MACF1: variants seen among roughly 807,000 people sequenced by gnomAD.
The protein encoded by MACF1 is microtubule-actin cross-linking factor 1.
In MACF1, 193 loss-of-function variants were observed where a neutral mutation model predicts 854.8. The ratio of observed to expected loss-of-function variants is 0.23; its 90% confidence interval spans 0.20 to 0.25. The LOEUF is 0.25. MACF1 is among the 10% of genes least tolerant of loss of function. The probability of loss-of-function intolerance (pLI) is 1.00; values close to 1 mark genes in which losing one functional copy is unlikely to be tolerated. For synonymous variants in MACF1, 3,185 were observed against 3,226.7 expected (o/e 0.99, Z 0.44); for missense variants, 7,722 against 8,929.1 (o/e 0.86, Z 5.45).
Position 39,437,846 on chromosome 1 carries a change from C to T in MACF1, c.18058C>T (p.Leu6020=). ...NLSSRLRMPP[L]IPAEVDKIRE... ...TTCCTCTCGCCTGCGTATGCCACCA[C>T]TGATCCCTGCTGAAGTAGACAAGAT... Residue 6020 remains leucine (L), a synonymous_variant, in exon 71 of 101, where the codon CTG becomes TTG. Transcript: ENST00000564288. 1.2e-6 allele frequency: 2 copies of T among 1,614,140 alleles called. No individual in the cohort carries two copies. The highest frequency in any genetic ancestry group is 8.5e-7 in the Non-Finnish European group (1 of 1,180,006).
intron 44 of MACF1, among the ~76,000 whole-genome samples, chr1:39,355,460 CTTTTTTTT>C (rs56202498): frequency 4.9e-5 from 4 of 81,054 alleles, no homozygotes; most frequent in Non-Finnish European, 8.9e-5. Flanking sequence ...TTTTCTTCTG[CTTTTTTTT>C]TTTTTTTTTT....
chr1:39,304,523 G>T, intron 23 of MACF1: 1 of 1,294,912 alleles, frequency 7.7e-7, no homozygotes, highest in Non-Finnish European at 1.1e-6. Context: ...GCCTCCTTTG[G>T]TTACAGTTTC....
chr1:39,306,059 G>A (rs533145182), intron 23 of MACF1, among the ~76,000 whole-genome samples: 5 of 152,052 alleles, frequency 3.3e-5, no homozygotes, highest in Admixed American at 3.3e-4. Context: ...ACCATTCCTA[G>A]CACATAGCAG....
intron 97 of MACF1, among the ~76,000 whole-genome samples, chr1:39,476,494 C>G (rs1644885687): frequency 1.3e-5 from 2 of 151,866 alleles, no homozygotes; most frequent in Non-Finnish European, 2.9e-5. Flanking sequence ...TCACTTGAAC[C>G]CAGGAGGCGG....
intron 90 of MACF1, chr1:39,458,768 A>G (rs1378852263): frequency 7.9e-6 from 4 of 507,040 alleles, no homozygotes; most frequent in African/African-American, 3.8e-5. Flanking sequence ...AGCTGTTTAC[A>G]TTTGGCTTGT....
chr1:39,154,744 C>G (rs887265506), intron 2 of MACF1, among the ~76,000 whole-genome samples: 1 of 151,906 alleles, frequency 6.6e-6, no homozygotes, highest in Non-Finnish European at 1.5e-5. Flanking sequence ...AACAGCCATC[C>G]TGTCACTGTA....
At chr1:39,279,720 A>G (rs999934975) in intron 6 of MACF1, among the ~76,000 whole-genome samples, 25 of 152,254 alleles carry the variant, frequency 1.6e-4, no homozygotes, top group Admixed American at 1.4e-3. Flanking sequence ...ATCCTTTGAG[A>G]AAGTTATTAT....
At chr1:39,302,893 T>C in intron 22 of MACF1, 31 bp from the exon 23 acceptor site, 1 of 1,598,582 alleles carries the variant, frequency 6.3e-7, no homozygotes. Flanking sequence ...GGTTTATCCA[T>C]TAGCAATCAC....
At chr1:39,321,791 A>T (rs555581093) in intron 31 of MACF1, among the ~76,000 whole-genome samples, 3 of 152,344 alleles carry the variant, frequency 2.0e-5, no homozygotes, top group Admixed American at 1.3e-4. Flanking sequence ...TTAATAAATT[A>T]TATGGGGATA....
intron 41 of MACF1, among the ~76,000 whole-genome samples, chr1:39,347,603 C>G (rs1270037588): frequency 6.6e-6 from 1 of 152,148 alleles, no homozygotes; most frequent in Non-Finnish European, 1.5e-5. Context: ...ATACCCTGAG[C>G]TCTTGAGGAG....
At chr1:39,124,297 A>G (rs543719482) in intron 2 of MACF1, among the ~76,000 whole-genome samples, 1 of 152,202 alleles carries the variant, frequency 6.6e-6, no homozygotes, top group Admixed American at 6.5e-5. Flanking sequence ...CTGGGATTGA[A>G]ACCTGGTTTG....
In MACF1 at chr1:39,156,512, G is replaced by C. The variant is rs377244727; in HGVS notation, c.220+72074G>C. ...TGTGTGCCTGTAGTCCCAGCTACTT[G>C]GGGGGCTGAGGTGGGAGTATCGCTT... On this transcript the variant is annotated intron_variant, in intron 2 of 93. Coordinates refer to the MACF1 transcript ENST00000361689. Among the ~76,000 whole-genome samples the C allele has an allele frequency of 2.3e-3, 351 of 152,258 alleles. 3 individuals carry two copies. Among genetic ancestry groups the C allele is most frequent in the African/African-American group, 8.0e-3 (333 of 41,570 alleles).
At chr1:39,101,084 C>T (rs148319652) in intron 2 of MACF1, among the ~76,000 whole-genome samples, 4,051 of 150,986 alleles carry the variant, frequency 0.027, 158 homozygotes, top group African/African-American at 0.086. Context: ...TGGCCAGGTG[C>T]GGTGGCTCAC....
intron 2 of MACF1, among the ~76,000 whole-genome samples, chr1:39,138,142 T>C (rs1482318486): frequency 6.6e-6 from 1 of 151,174 alleles, no homozygotes; most frequent in African/African-American, 2.4e-5. Flanking sequence ...AACAAATTTG[T>C]GCTACTCTGG....
At chr1:39,474,482 G>A (rs1040184419) in intron 97 of MACF1, among the ~76,000 whole-genome samples, 13 of 152,122 alleles carry the variant, frequency 8.5e-5, no homozygotes, top group Admixed American at 2.0e-4. Context: ...GATCACCCGA[G>A]GTCAGGAGTT....
intron 2 of MACF1, among the ~76,000 whole-genome samples, chr1:39,242,517 G>A (rs967703628): frequency 6.6e-6 from 1 of 152,084 alleles, no homozygotes; most frequent in African/African-American, 2.4e-5. Context: ...CTTCAGGAGG[G>A]TGAGGCTGGT....
At chr1:39,187,749 C>T (rs1044242382) in intron 2 of MACF1, among the ~76,000 whole-genome samples, 1 of 152,050 alleles carries the variant, frequency 6.6e-6, no homozygotes, top group African/African-American at 2.4e-5. Context: ...TGAGATCTCG[C>T]TATGTTGCCC....
intron 2 of MACF1, among the ~76,000 whole-genome samples, chr1:39,087,767 A>G (rs1641710002): frequency 1.3e-5 from 2 of 152,070 alleles, no homozygotes; most frequent in African/African-American, 4.8e-5. Flanking sequence ...AACTCCAAGT[A>G]CATTGCTATT....
chr1:39,339,538 A>G (rs1384488418), intron 38 of MACF1, among the ~76,000 whole-genome samples: 1 of 152,212 alleles, frequency 6.6e-6, no homozygotes, highest in Non-Finnish European at 1.5e-5. Flanking sequence ...TGCAGCTGGA[A>G]GAAATGGGAG....
Sources: allele counts gnomAD v4.1 joint callset (sites outside exome capture counted in the v4.1 genomes callset), GRCh38; gene constraint gnomAD v4.1.1; transcripts MANE v1.5; gene names NCBI Gene and HGNC (gene_info 2026-07-23, HGNC 2026-07-21).